Variants in AKAP9 observed in about 807,000 individuals in gnomAD.
AKAP9 encodes A-kinase anchoring protein 9, also known as A-kinase anchor protein 9.
In AKAP9, 311 loss-of-function variants were observed where a neutral mutation model predicts 488.5. The observed-to-expected ratio is 0.64, with a 90% CI of 0.58 to 0.70. AKAP9 has a LOEUF of 0.70. AKAP9 is among the 30% of genes least tolerant of loss of function. The pLI is 0.00. For missense variants in AKAP9, 4,215 were observed against 4,374.5 expected (o/e 0.96, Z 1.03); for synonymous variants, 1,462 against 1,483.5 (o/e 0.99, Z 0.33).
intron 46 of AKAP9, among the ~76,000 whole-genome samples, chr7:92,104,378 AG>A (rs1248915234): frequency 1.3e-5 from 2 of 151,728 alleles, no homozygotes; most frequent in Non-Finnish European, 2.9e-5. Flanking sequence ...TTTTTAGTAG[AG>A]ACTGGGTTTC....
Position 92,089,401 on chromosome 7 carries a change from C to G in AKAP9, c.9230C>G (p.Ala3077Gly). The change falls in exon 38 of 50, where the codon GCA becomes GGA. Residue 3077 changes from alanine to glycine, a missense_variant. Coordinates refer to ENST00000356239, the MANE Select transcript of AKAP9 (RefSeq NM_005751.5). ...TTGTTACAGGGTGTTGAATATCAAGCAGCTATGGAATGCCTCCAGAAAGCA... is the reference window on the plus strand; with the variant it reads ...TTGTTACAGGGTGTTGAATATCAAGGAGCTATGGAATGCCTCCAGAAAGCA... ...RIQEQGVEYQAAMECLQKADR... is the reference protein window; with the variant it reads ...RIQEQGVEYQGAMECLQKADR... 6.2e-7 allele frequency: 1 copy of G among 1,611,704 alleles called. No homozygotes were observed. The highest frequency in any genetic ancestry group is 8.5e-7 in the Non-Finnish European group (1 of 1,179,666).
At position 92,029,947 on chromosome 7, in the gene AKAP9, T is replaced by C; in HGVS notation, c.4201T>C (p.Tyr1401His). 6.2e-7 allele frequency: 1 copy of C among 1,613,214 alleles called. No homozygotes were observed. Among genetic ancestry groups the C allele is most frequent in the Non-Finnish European group, 8.5e-7 (1 of 1,179,346 alleles). Residue 1401 changes from tyrosine (Y) to histidine (H), a missense_variant, in exon 15 of 50, where the codon TAC becomes CAC. By Grantham distance (83) the Tyr-to-His change is moderately conservative (BLOSUM62 2). This residue lies in a region of AKAP9 where 2,361 missense variants were observed against 2,430.0 expected (regional missense o/e 0.97). Coordinates refer to ENST00000356239, the MANE Select transcript of AKAP9 (RefSeq NM_005751.5). The part of the protein sequence containing the change: ...ITESDAQRTM[Y>H]PGSCVKKNID... ...AGAATCTGATGCACAGAGAACAATG[T>C]ACCCTGGAAGTTGTGTGAAAAAGAA...
At chr7:91,968,387 A>G (rs1794672158) in intron 1 of AKAP9, among the ~76,000 whole-genome samples, 1 of 152,162 alleles carries the variant, frequency 6.6e-6, no homozygotes, top group Admixed American at 6.5e-5. Flanking sequence ...TTGTTAGCAT[A>G]TAGTTGTTCA....
chr7:92,052,644 G>T, intron 21 of AKAP9, 82 bp from the exon 22 acceptor site: 2 of 960,906 alleles, frequency 2.1e-6, no homozygotes, highest in South Asian at 1.7e-5. Flanking sequence ...ATGATTTCCA[G>T]TTTAGTTTGA....
rs56800758 is a variant in AKAP9, at chr7:91,963,482, T to TCACACACACA, written c.49-10192_49-10183dup. Among the ~76,000 whole-genome samples, 980 of 139,296 alleles carry TCACACACACA rather than the reference T, an allele frequency of 7.0e-3. 6 individuals are homozygous for TCACACACACA. Among genetic ancestry groups the TCACACACACA allele is most frequent in the East Asian group, 0.016 (74 of 4,718 alleles). 91.4% of individuals were successfully genotyped at this position (139,296 alleles called of 152,430 possible). On this transcript the variant is annotated intron_variant, in intron 1 of 49. Transcript: ENST00000356239. Reference sequence around the variant, plus strand: ...TGTTATTCTGTAGATAACATATTTGTCACACACACACACACACACACACAC... The same window carrying TCACACACACA: ...TGTTATTCTGTAGATAACATATTTGTCACACACACACACACACACACACACACACACACAC...
At chr7:92,012,987 T>A (rs959763504) in intron 9 of AKAP9, among the ~76,000 whole-genome samples, 4 of 114,072 alleles carry the variant, frequency 3.5e-5, no homozygotes, top group Non-Finnish European at 7.3e-5. Flanking sequence ...TTTTTTTTTT[T>A]TTTTTTTTTT....
Position 92,052,824 on chromosome 7 carries a change from C to T in AKAP9, c.5467C>T (p.Gln1823Ter). The T allele has an allele frequency of 1.9e-6, 3 of 1,613,836 alleles. No homozygotes were observed. The highest frequency in any genetic ancestry group is 2.5e-6 in the Non-Finnish European group (3 of 1,179,858). Residue 1823 changes from glutamine (Q) to a stop codon, truncating the protein, a stop_gained, in exon 22 of 50, where the codon CAA becomes TAA. Coordinates refer to ENST00000356239, the MANE Select transcript of AKAP9 (RefSeq NM_005751.5). LOFTEE classifies it high-confidence loss of function. ...AACTGAGGAAGGAACAGAGCTGTCA[C>T]AACGACTTGTGAGGAGTGGTTTTGC... is the stretch of plus-strand genomic sequence containing the variant. ...KVTEEGTELS[Q>*]RLVRSGFAGT...
chr7:92,001,582 A>T lies in AKAP9; in HGVS notation c.1665A>T (p.Glu555Asp), dbSNP rs1162135979. Residue 555 changes from glutamate to aspartate, a missense_variant, in exon 8 of 50, where the codon GAA (glutamate) becomes GAT (aspartate). Coordinates refer to ENST00000356239, the MANE Select transcript of AKAP9 (RefSeq NM_005751.5). ...CTAGACAGACAATAGCTGAACAAGA[A>T]AGTAAACTTAATGAAGCACATAAGT... ...QRARQTIAEQ[E>D]SKLNEAHKSL... The T allele has an allele frequency of 6.2e-7, 1 of 1,613,782 alleles. No homozygotes were observed. The highest frequency in any genetic ancestry group is 1.3e-5 in the African/African-American group (1 of 74,928).
rs779330917 is a variant in AKAP9 at position 92,045,021 on chromosome 7, A to G, written c.5176A>G (p.Lys1726Glu). Residue 1726 changes from lysine to glutamate, a missense_variant, in exon 21 of 50, where the codon AAA (lysine) becomes GAA (glutamate). By Grantham distance (56) the Lys-to-Glu change is moderately conservative. Transcript: ENST00000356239. ...ILSNERYALQ[K>E]ANNRLLKILL... is the part of the protein sequence containing the mutation. The stretch of plus-strand genomic sequence containing the variant: ...TTATCTATACAGGTATGCACTCCAG[A>G]AAGCTAATAATAGACTTTTGAAGAT... 1 of 1,611,926 alleles carries G rather than the reference A, an allele frequency of 6.2e-7. No individual in the cohort carries two copies. Among genetic ancestry groups the G allele is most frequent in the Non-Finnish European group, 8.5e-7 (1 of 1,178,052 alleles).
chr7:92,084,504 C>A (rs950885098), intron 33 of AKAP9, 136 bp from the exon 34 acceptor site: 11 of 601,286 alleles, frequency 1.8e-5, no homozygotes, highest in East Asian at 3.2e-5. Flanking sequence ...AAAAAAAAAA[C>A]CATGAATAAT....
chr7:91,962,412 T>C (rs1793839567), intron 1 of AKAP9, among the ~76,000 whole-genome samples: 1 of 152,180 alleles, frequency 6.6e-6, no homozygotes, highest in Admixed American at 6.5e-5. Flanking sequence ...AACTAGAAAT[T>C]TGTTAATTTT....
rs1360182925 is a variant in AKAP9, at chr7:92,089,466, G to A, written c.9295G>A (p.Ala3099Thr). The A allele has an allele frequency of 6.2e-7, 1 of 1,613,212 alleles. No homozygotes were observed. Among genetic ancestry groups the A allele is most frequent in the Non-Finnish European group, 8.5e-7 (1 of 1,179,738 alleles). ...SLLSEIQALH[A>T]QMNGRKITLK... ...GTTATCTGAAATTCAGGCACTGCAT[G>A]CACAAATGAATGGTAGGAAAATTAC... The change falls in exon 38 of 50, where the codon GCA becomes ACA. Residue 3099 changes from alanine (A) to threonine (T), a missense_variant. Around this residue, in one of 5 missense-constraint regions of AKAP9, gnomAD observed 1,476 missense variants for 1,477.4 expected, o/e 1.00. Transcript: ENST00000356239.
intron 27 of AKAP9, 73 bp from the exon 28 acceptor site, chr7:92,070,832 C>CAA: frequency 4.9e-6 from 5 of 1,013,358 alleles, no homozygotes; most frequent in East Asian, 2.8e-5. Context: ...AAAAGCAGAC[C>CAA]AAAAAACAAA....
intron 3 of AKAP9, among the ~76,000 whole-genome samples, chr7:91,989,365 C>T (rs1048786262): frequency 2.6e-5 from 4 of 152,008 alleles, no homozygotes; most frequent in Non-Finnish European, 4.4e-5. Context: ...CTAGAGAAAT[C>T]GGACTAAATG....
Position 91,995,617 on chromosome 7 carries a change from A to G in AKAP9, c.747A>G (p.Glu249=), listed in dbSNP as rs78515732. 1.9e-3 allele frequency: 2,989 copies of G among 1,614,016 alleles called. 46 individuals are homozygous for G. In the African/African-American group the frequency reaches 0.035, roughly 19 times the overall value. Residue 249 remains glutamate (E), a synonymous_variant, in exon 7 of 50, where the codon GAA becomes GAG. Coordinates refer to ENST00000356239, the MANE Select transcript of AKAP9 (RefSeq NM_005751.5). The part of the protein sequence containing the change: ...QIQFQQLQAS[E]TLRNSTHSST... ...TCTATTTTCAGTTACAGGCTAGTGA[A>G]ACTCTGAGAAACAGCACTCATAGTA...
At chr7:91,970,285 T>C (rs1342941409) in intron 1 of AKAP9, among the ~76,000 whole-genome samples, 4 of 152,218 alleles carry the variant, frequency 2.6e-5, no homozygotes, top group Non-Finnish European at 5.9e-5. Flanking sequence ...TATTTCTTGA[T>C]AGGATGCTGT....
At chr7:91,994,115 C>T (rs1419790058) in intron 5 of AKAP9, among the ~76,000 whole-genome samples, 4 of 152,056 alleles carry the variant, frequency 2.6e-5, no homozygotes, top group African/African-American at 7.2e-5. Flanking sequence ...TACAACAGAG[C>T]GAGACCCTGT....
chr7:92,078,538 C>T (rs138444915), intron 30 of AKAP9, among the ~76,000 whole-genome samples: 1,581 of 150,986 alleles, frequency 0.01, 24 homozygotes, highest in African/African-American at 0.037. Context: ...TGCCACTGCA[C>T]TCCAGCTTGG....
In AKAP9 at chr7:92,052,815, G is replaced by C. The variant is rs1418213201; in HGVS notation, c.5458G>C (p.Glu1820Gln). The C allele has an allele frequency of 4.3e-6, 7 of 1,613,728 alleles. No homozygotes were observed. Among genetic ancestry groups the C allele is most frequent in the Non-Finnish European group, 5.1e-6 (6 of 1,179,862 alleles). ...GTCAAAAGTAACTGAGGAAGGAACA[G>C]AGCTGTCACAACGACTTGTGAGGAG... ...MWSKVTEEGTELSQRLVRSGF... is the reference protein window; with the variant it reads ...MWSKVTEEGTQLSQRLVRSGF... Residue 1820 changes from glutamate (E) to glutamine (Q), a missense_variant, in exon 22 of 50, where the codon GAG (glutamate) becomes CAG (glutamine). Coordinates refer to ENST00000356239, the MANE Select transcript of AKAP9 (RefSeq NM_005751.5).
Sources: allele counts gnomAD v4.1 joint callset (sites outside exome capture counted in the v4.1 genomes callset), GRCh38; gene constraint gnomAD v4.1.1; regional missense constraint gnomAD v4.1.1; transcripts MANE v1.5; gene names NCBI Gene and HGNC (gene_info 2026-07-23, HGNC 2026-07-21).